Variants in CTNNA3 observed in about 807,000 individuals in gnomAD.
The protein encoded by CTNNA3 is catenin alpha-3.
Under a neutral mutation model 95.7 loss-of-function variants are expected in CTNNA3, and 76 were observed. That is an observed-to-expected ratio of 0.79 (90% CI 0.66 to 0.96). CTNNA3 has a LOEUF of 0.96. Among genes scored for constraint, CTNNA3 ranks in the 40% least tolerant of loss-of-function variants. The pLI is 0.00. For missense variants in CTNNA3, 1,191 were observed against 1,089.8 expected (o/e 1.09, Z -1.31); for synonymous variants, 431 against 374.4 (o/e 1.15, Z -1.74).
At chr10:66,479,789 T>C (rs751611310) in intron 11 of CTNNA3, among the ~76,000 whole-genome samples, 1 of 152,084 alleles carries the variant, frequency 6.6e-6, no homozygotes, top group Non-Finnish European at 1.5e-5. Context: ...TTTTTGAGTA[T>C]TGTTTATTCT....
chr10:65,999,779 T>C (rs1338833626), intron 15 of CTNNA3, among the ~76,000 whole-genome samples: 1 of 152,214 alleles, frequency 6.6e-6, no homozygotes, highest in Admixed American at 6.5e-5. Context: ...TAATGGGTTC[T>C]TGGGATCTCC....
chr10:67,504,322 A>G (rs1368666762), intron 5 of CTNNA3, among the ~76,000 whole-genome samples: 1 of 144,254 alleles, frequency 6.9e-6, no homozygotes. Context: ...GCGTGATGGC[A>G]GGCGCCTGTA....
chr10:67,163,559 C>T (rs1007135137), intron 7 of CTNNA3, among the ~76,000 whole-genome samples: 2 of 151,896 alleles, frequency 1.3e-5, no homozygotes, highest in African/African-American at 4.8e-5. Flanking sequence ...CTAAAATAGG[C>T]AACAAAGCAA....
rs527579872 is a variant in CTNNA3 at position 67,493,143 on chromosome 10, G to A, written c.579+28699C>T. Among the ~76,000 whole-genome samples the A allele has an allele frequency of 2.5e-4, 38 of 152,002 alleles. No homozygotes were observed. The South Asian group carries it at 4.2e-3, about 17-fold the overall frequency. On this transcript the variant is annotated intron_variant, in intron 5 of 17. Coordinates refer to ENST00000433211, the MANE Select transcript of CTNNA3 (RefSeq NM_013266.4). ...TTTTGTTTTGTTTTTTTAAAAGGCGGGGGTTGCCTTTCAGGCCAGATTTCT... is the reference window on the plus strand; with the variant it reads ...TTTTGTTTTGTTTTTTTAAAAGGCGAGGGTTGCCTTTCAGGCCAGATTTCT...
intron 7 of CTNNA3, among the ~76,000 whole-genome samples, chr10:67,114,149 T>C (rs1859051086): frequency 6.6e-6 from 1 of 152,092 alleles, no homozygotes; most frequent in African/African-American, 2.4e-5. Flanking sequence ...AAATATTAAA[T>C]TCTGTTCCCA....
intron 2 of CTNNA3, among the ~76,000 whole-genome samples, chr10:67,636,181 C>T (rs7912752): frequency 0.13 from 20,181 of 152,022 alleles, 2,401 homozygotes; most frequent in African/African-American, 0.32. Flanking sequence ...CACAAACAAA[C>T]GGAAAATCAT....
chr10:66,392,692 T>C (rs2132534556), intron 11 of CTNNA3, among the ~76,000 whole-genome samples: 1 of 152,186 alleles, frequency 6.6e-6, no homozygotes, highest in African/African-American at 2.4e-5. Flanking sequence ...ACATGGCCCA[T>C]CTATTAGAAT....
At position 65,920,417 on chromosome 10, in the gene CTNNA3, C is replaced by T. The variant is rs575703238; in HGVS notation, c.2601G>A (p.Thr867=). 387 of 1,614,126 alleles carry T rather than the reference C, an allele frequency of 2.4e-4. No individual in the cohort carries two copies. The South Asian group carries it at 2.6e-3, about 11-fold the overall frequency. Residue 867 remains threonine (T), a synonymous_variant, in exon 18 of 18, where the codon ACG becomes ACA. Transcript: ENST00000433211. ...CTGAGCCTCGTCTGACAGCTGCACA[C>T]GTTTCCTCTGGCTTCTCTCTTTTAA... ...PLIKREKPEE[T]CAAVRRGSAK...
intron 6 of CTNNA3, among the ~76,000 whole-genome samples, chr10:67,207,437 G>C (rs1042723362): frequency 5.9e-5 from 9 of 151,946 alleles, no homozygotes; most frequent in Non-Finnish European, 1.2e-4. Context: ...ATAAAATAAA[G>C]AACTATTTAT....
intron 11 of CTNNA3, among the ~76,000 whole-genome samples, chr10:66,437,015 C>T (rs554901154): frequency 1.3e-4 from 20 of 152,116 alleles, no homozygotes; most frequent in African/African-American, 4.6e-4. Flanking sequence ...GAATATCAGC[C>T]CCCACCCTCT....
At chr10:67,083,344 A>G (rs1001780615) in intron 7 of CTNNA3, among the ~76,000 whole-genome samples, 1 of 152,074 alleles carries the variant, frequency 6.6e-6, no homozygotes, top group African/African-American at 2.4e-5. Flanking sequence ...AACAGTTCCA[A>G]TCAGTTATTC....
chr10:66,222,984 G>A (rs370976527), intron 13 of CTNNA3, among the ~76,000 whole-genome samples: 40 of 152,052 alleles, frequency 2.6e-4, no homozygotes, highest in African/African-American at 9.6e-4. Flanking sequence ...AGTGTATTTA[G>A]AGTGTGGATA....
chr10:66,509,756 T>C (rs1296424694), intron 11 of CTNNA3, among the ~76,000 whole-genome samples: 2 of 151,976 alleles, frequency 1.3e-5, no homozygotes, highest in African/African-American at 4.8e-5. Flanking sequence ...ACCATGTTGT[T>C]TTTGTTTTTG....
intron 5 of CTNNA3, among the ~76,000 whole-genome samples, chr10:67,343,639 C>CTTTTTTT (rs1272786238): frequency 7.9e-5 from 12 of 151,982 alleles, no homozygotes; most frequent in Admixed American, 4.6e-4. Flanking sequence ...TTTATCAGTT[C>CTTTTTTT]TAACAGTTTT....
chr10:67,359,724 C>CTATG (rs1185045748), intron 5 of CTNNA3, among the ~76,000 whole-genome samples: 8 of 152,118 alleles, frequency 5.3e-5, no homozygotes, highest in Admixed American at 5.2e-4. Flanking sequence ...GAGACCAAAT[C>CTATG]TATGACTCAT....
At chr10:66,643,183 T>A (rs1845576884) in intron 9 of CTNNA3, among the ~76,000 whole-genome samples, 1 of 152,214 alleles carries the variant, frequency 6.6e-6, no homozygotes, top group African/African-American at 2.4e-5. Flanking sequence ...CAATCTAAAC[T>A]TGTAAATCTT....
At chr10:66,448,616 G>C (rs998020791) in intron 11 of CTNNA3, among the ~76,000 whole-genome samples, 1 of 142,360 alleles carries the variant, frequency 7.0e-6, no homozygotes, top group Admixed American at 7.3e-5. Flanking sequence ...TCATAGGTGG[G>C]AATTGAACAA....
rs202201463 is a variant in CTNNA3 at position 67,383,383 on chromosome 10, A to G, written c.579+138459T>C. On this transcript the variant is annotated intron_variant, in intron 5 of 17. Coordinates refer to ENST00000433211, the MANE Select transcript of CTNNA3 (RefSeq NM_013266.4). ...TTCACAACAGTCGTGGTAAGAAAGT[A>G]TTGCCATACCCATCTTACAGCTGAG... Among the ~76,000 whole-genome samples the G allele has an allele frequency of 5.6e-4, 85 of 152,344 alleles. 1 individual carries two copies. Among genetic ancestry groups the G allele is most frequent in the Admixed American group, 3.1e-3 (47 of 15,294 alleles).
intron 5 of CTNNA3, among the ~76,000 whole-genome samples, chr10:67,426,679 A>AT (rs1214385999): frequency 2.6e-5 from 4 of 151,998 alleles, no homozygotes; most frequent in Non-Finnish European, 5.9e-5. Flanking sequence ...TGGGGGAGGG[A>AT]TAGCATTAGG....
Sources: allele counts gnomAD v4.1 joint callset (sites outside exome capture counted in the v4.1 genomes callset), GRCh38; gene constraint gnomAD v4.1.1; transcripts MANE v1.5; gene names NCBI Gene and HGNC (gene_info 2026-07-23, HGNC 2026-07-21).